MBOAT2: variants seen among roughly 807,000 people sequenced by gnomAD.
MBOAT2 encodes the protein membrane bound glycerophospholipid O-acyltransferase 2.
MBOAT2 carries 28 observed loss-of-function variants against 63.4 expected under a neutral mutation model. That is an observed-to-expected ratio of 0.44 (90% CI 0.33 to 0.61). The LOEUF (loss-of-function observed/expected upper bound fraction) is 0.61, where lower values mean the gene tolerates loss of function less well. Among genes scored for constraint, MBOAT2 ranks in the 20% least tolerant of loss-of-function variants. The pLI is 0.03. For missense variants in MBOAT2, 470 were observed against 605.8 expected (o/e 0.78, Z 2.35); for synonymous variants, 211 against 215.6 (o/e 0.98, Z 0.19).
chr2:8,945,222 T>C (rs1558643357), intron 2 of MBOAT2, among the ~76,000 whole-genome samples: 1 of 152,170 alleles, frequency 6.6e-6, no homozygotes, highest in African/African-American at 2.4e-5. Flanking sequence ...CAATCCAAGT[T>C]CAGCAGTAGA....
At chr2:8,909,939 A>C (rs1021764014) in intron 3 of MBOAT2, among the ~76,000 whole-genome samples, 7 of 152,188 alleles carry the variant, frequency 4.6e-5, no homozygotes, top group Admixed American at 1.3e-4. Flanking sequence ...CAAGAGGAGG[A>C]GTCTACCTCG....
intron 7 of MBOAT2, among the ~76,000 whole-genome samples, chr2:8,875,848 T>C (rs1372274733): frequency 6.6e-6 from 1 of 152,170 alleles, no homozygotes; most frequent in Non-Finnish European, 1.5e-5. Flanking sequence ...TAACCAGTAA[T>C]AGAAAATATG....
At chr2:8,900,239 G>A (rs190505942) in intron 4 of MBOAT2, among the ~76,000 whole-genome samples, 413 of 152,314 alleles carry the variant, frequency 2.7e-3, no homozygotes, top group African/African-American at 9.6e-3. Flanking sequence ...TTGCTGACCA[G>A]TAGGGAATTT....
At chr2:8,884,339 G>GA (rs976104767) in intron 5 of MBOAT2, among the ~76,000 whole-genome samples, 1 of 149,950 alleles carries the variant, frequency 6.7e-6, no homozygotes, top group South Asian at 2.1e-4. Flanking sequence ...TAATCAGGAG[G>GA]AAAAAAACAC....
At chr2:8,913,719 G>A (rs1203720264) in intron 3 of MBOAT2, among the ~76,000 whole-genome samples, 2 of 152,158 alleles carry the variant, frequency 1.3e-5, no homozygotes, top group Non-Finnish European at 2.9e-5. Flanking sequence ...CTACACTGCT[G>A]GTGGGAATGT....
intron 3 of MBOAT2, among the ~76,000 whole-genome samples, chr2:8,912,192 G>T (rs933795842): frequency 1.1e-4 from 16 of 151,570 alleles, no homozygotes; most frequent in African/African-American, 3.9e-4. Flanking sequence ...AGACAAGGAT[G>T]CCCATTCTCC....
chr2:8,904,882 C>CCT (rs1665217371), intron 4 of MBOAT2, among the ~76,000 whole-genome samples: 1 of 152,116 alleles, frequency 6.6e-6, no homozygotes, highest in Non-Finnish European at 1.5e-5. Context: ...AACCAAACAA[C>CCT]TTCAGTAGCT....
chr2:8,874,976 C>G (rs768815501), intron 7 of MBOAT2, among the ~76,000 whole-genome samples: 5 of 152,222 alleles, frequency 3.3e-5, no homozygotes, highest in African/African-American at 1.2e-4. Context: ...TATCAATGCA[C>G]TGCTTACAGG....
At chr2:8,889,716 C>G (rs948570764) in intron 4 of MBOAT2, among the ~76,000 whole-genome samples, 1 of 152,156 alleles carries the variant, frequency 6.6e-6, no homozygotes, top group Admixed American at 6.5e-5. Flanking sequence ...TTCTAATTTC[C>G]ACGTCACCTT....
intron 3 of MBOAT2, among the ~76,000 whole-genome samples, chr2:8,916,640 A>G (rs1666199827): frequency 6.6e-6 from 1 of 152,252 alleles, no homozygotes; most frequent in African/African-American, 2.4e-5. Context: ...GATGGGAATG[A>G]AAACAAAAAC....
chr2:8,901,744 GTCTT>G (rs1002938919), intron 4 of MBOAT2, among the ~76,000 whole-genome samples: 4 of 152,190 alleles, frequency 2.6e-5, no homozygotes, highest in African/African-American at 9.7e-5. Flanking sequence ...CAAAAATTAT[GTCTT>G]TCTGATTGGT....
chr2:8,880,680 G>A (rs76091168), intron 6 of MBOAT2, among the ~76,000 whole-genome samples: 1,799 of 152,330 alleles, frequency 0.012, 36 homozygotes, highest in African/African-American at 0.041. Flanking sequence ...AGGGGCAGAG[G>A]ATGCAGCAGA....
At chr2:8,992,349 C>A (rs1185392015) in intron 1 of MBOAT2, among the ~76,000 whole-genome samples, 1 of 152,188 alleles carries the variant, frequency 6.6e-6, no homozygotes, top group Non-Finnish European at 1.5e-5. Context: ...ATTGCCTGGG[C>A]TGATCTCAAA....
chr2:9,003,117 G>A lies in MBOAT2; in HGVS notation c.75+423C>T, dbSNP rs1191531354. ...CTCAGAGGCGCGCGCGGGGCAGGCA[G>A]CACCACGCCAGGCTCCCCAAAGCGC... On this transcript the variant is annotated intron_variant, in intron 1 of 12. Coordinates refer to ENST00000305997, the MANE Select transcript of MBOAT2 (RefSeq NM_138799.4). This position sits in a 1 kb window ranked among gnomAD's most constrained non-coding sequence, Gnocchi z 5.4. 3.9e-5 allele frequency among the ~76,000 whole-genome samples: 6 copies of A among 152,100 alleles called. No homozygotes were observed. The highest frequency in any genetic ancestry group is 5.9e-5 in the Non-Finnish European group (4 of 67,998).
At chr2:8,975,873 A>G (rs1316716482) in intron 1 of MBOAT2, among the ~76,000 whole-genome samples, 1 of 151,870 alleles carries the variant, frequency 6.6e-6, no homozygotes, top group East Asian at 1.9e-4. Context: ...CACAAAGTAG[A>G]GAGATTTATT....
chr2:8,920,089 A>C (rs7605431), intron 3 of MBOAT2, among the ~76,000 whole-genome samples: 15,752 of 152,072 alleles, frequency 0.1, 961 homozygotes, highest in African/African-American at 0.17. Flanking sequence ...ATGGGCAATT[A>C]TTTGGTTGTC....
intron 6 of MBOAT2, among the ~76,000 whole-genome samples, chr2:8,880,731 G>T (rs915511352): frequency 6.6e-6 from 1 of 152,232 alleles, no homozygotes; most frequent in Admixed American, 6.5e-5. Flanking sequence ...GAGAAAAATT[G>T]AAAGAAGGGA....
chr2:8,983,585 G>T (rs1174855409), intron 1 of MBOAT2, among the ~76,000 whole-genome samples: 3 of 152,192 alleles, frequency 2.0e-5, no homozygotes, highest in African/African-American at 7.2e-5. Context: ...AAAGAGACAT[G>T]CGAACTAAAT....
intron 5 of MBOAT2, among the ~76,000 whole-genome samples, chr2:8,885,253 G>A (rs371603749): frequency 6.6e-6 from 1 of 152,140 alleles, no homozygotes; most frequent in South Asian, 2.1e-4. Flanking sequence ...TCCATGGGTG[G>A]CTGCGATAGT....
Sources: gnomAD v4.1 joint callset for allele counts (sites outside exome capture counted in the v4.1 genomes callset) on GRCh38, gnomAD v4.1.1 for gene constraint, Gnocchi (gnomAD v3.1) non-coding constraint, MANE v1.5 for transcripts, NCBI Gene and HGNC (gene_info 2026-07-23, HGNC 2026-07-21) for gene names.